The following ITSN1 variants were observed in gnomAD, a reference collection of about 807,000 sequenced individuals.
The protein encoded by ITSN1 is intersectin-1.
ITSN1 carries 58 observed loss-of-function variants against 239.8 expected under a neutral mutation model. That is an observed-to-expected ratio of 0.24 (90% confidence interval 0.20 to 0.30). ITSN1 has a LOEUF of 0.30. Among genes scored for constraint, ITSN1 ranks in the 10% least tolerant of loss-of-function variants. The pLI is 1.00. For synonymous variants in ITSN1, 780 were observed against 770.8 expected, an observed-to-expected ratio of 1.01 and a Z score of -0.20; for missense variants, 1,558 against 2,103.3, an observed-to-expected ratio of 0.74 and a Z score of 5.07.
chr21:33,784,756 T>G (rs1306295529), intron 16 of ITSN1, among the ~76,000 whole-genome samples: 1 of 152,228 alleles, frequency 6.6e-6, no homozygotes, highest in Non-Finnish European at 1.5e-5. Flanking sequence ...CACTTTTCTT[T>G]GTTGTAGCCA....
At chr21:33,829,036 G>T in intron 26 of ITSN1, 1 of 469,178 alleles carries the variant, frequency 2.1e-6, no homozygotes, top group Non-Finnish European at 4.4e-6. Flanking sequence ...GATATTCAGG[G>T]ATCACTCTCA....
intron 22 of ITSN1, among the ~76,000 whole-genome samples, chr21:33,816,159 C>T (rs2073254638): frequency 6.6e-6 from 1 of 151,612 alleles, no homozygotes; most frequent in Admixed American, 6.6e-5. Context: ...CACCACTGCA[C>T]TTCAGCCTGG....
chr21:33,833,029 T>C (rs1422144564), intron 27 of ITSN1, among the ~76,000 whole-genome samples: 1 of 152,030 alleles, frequency 6.6e-6, no homozygotes, highest in Non-Finnish European at 1.5e-5. Context: ...TGTGTACGCA[T>C]GTGTGTGTAT....
At position 33,892,737 on chromosome 21, in the gene ITSN1, G is replaced by A. The variant is rs1464219989; in HGVS notation, c.*4437G>A. On this transcript the variant is annotated 3_prime_UTR_variant, in exon 40 of 40. Transcript: ENST00000381318. ...TCAGTTCATTTTAGGGACGTTCAAT[G>A]CTTGATCAAATGGGGGGCATTTTCT... The A allele has an allele frequency of 6.6e-6, 1 of 152,234 alleles. No individual in the cohort carries two copies. The highest frequency in any genetic ancestry group is 1.5e-5 in the Non-Finnish European group (1 of 68,082). The allele number at this position is 152,234 out of a possible 1,614,324, so 9.4% of individuals were successfully genotyped here.
chr21:33,735,344 A>G, intron 5 of ITSN1, 140 bp downstream of exon 5: 3 of 843,414 alleles, frequency 3.6e-6, no homozygotes, highest in Non-Finnish European at 6.0e-6. Context: ...CCCCTGCAGG[A>G]AGATAGTGCT....
Position 33,874,122 on chromosome 21 carries a change from T to C in ITSN1, c.4174-1232T>C, listed in dbSNP as rs1176483587. 6.3e-5 allele frequency among the ~76,000 whole-genome samples: 9 copies of C among 143,848 alleles called. No individual in the cohort carries two copies. The South Asian group carries it at 1.3e-3, about 21-fold the overall frequency. The allele number at this position is 143,848 out of a possible 152,430, so 94.4% of individuals were successfully genotyped here. On this transcript the variant is annotated intron_variant, in intron 33 of 39. Coordinates refer to ENST00000381318, the MANE Select transcript of ITSN1 (RefSeq NM_003024.3). Reference sequence around the variant, plus strand: ...AGTGAGCCGAGATAGCGCCACTGCATTCCAGCCTGGGCAACAAGAGCAAAA... The same window carrying C: ...AGTGAGCCGAGATAGCGCCACTGCACTCCAGCCTGGGCAACAAGAGCAAAA...
At chr21:33,872,144 A>G (rs1431160101) in intron 33 of ITSN1, among the ~76,000 whole-genome samples, 1 of 152,246 alleles carries the variant, frequency 6.6e-6, no homozygotes, top group Non-Finnish European at 1.5e-5. Flanking sequence ...TGAAAAGATT[A>G]TAGGTCCCAG....
Position 33,875,541 on chromosome 21 carries a change from G to A in ITSN1, c.4341+20G>A, listed in dbSNP as rs2148531819. On this transcript the variant is annotated intron_variant, in intron 34 of 39. Transcript: ENST00000381318. ...TCTGAGGTAGCCAACCTTGGGGCTG[G>A]GCCCTGGTCTCCCCCGGCAGAGCCT... 6.2e-7 allele frequency: 1 copy of A among 1,608,164 alleles called. No individual in the cohort carries two copies. Among genetic ancestry groups the A allele is most frequent in the South Asian group, 1.1e-5 (1 of 90,706 alleles).
chr21:33,807,570 C>T (rs2072557014), intron 20 of ITSN1, among the ~76,000 whole-genome samples: 1 of 152,146 alleles, frequency 6.6e-6, no homozygotes, highest in Admixed American at 6.5e-5. Context: ...GTGTTCCATC[C>T]ACCTTGGCTT....
intron 16 of ITSN1, among the ~76,000 whole-genome samples, chr21:33,784,353 A>ACACACACC (rs2070463766): frequency 7.0e-6 from 1 of 143,678 alleles, no homozygotes; most frequent in African/African-American, 2.6e-5. Flanking sequence ...ACACACACAC[A>ACACACACC]CTAGTCAGGT....
rs190973597 is a variant in ITSN1, at chr21:33,655,212, C to A, written c.-33+12499C>A. Among the ~76,000 whole-genome samples the A allele has an allele frequency of 1.8e-4, 27 of 152,212 alleles. No individual in the cohort carries two copies. In the East Asian group the frequency reaches 2.9e-3, roughly 16 times the overall value. ...GGACCTGTTTTAAACCGGTGTAGATCTCTAGCTGAGGGAAAACAGGAAGGA... is the reference window on the plus strand; with the variant it reads ...GGACCTGTTTTAAACCGGTGTAGATATCTAGCTGAGGGAAAACAGGAAGGA... On this transcript the variant is annotated intron_variant, in intron 1 of 39. Transcript: ENST00000381318.
chr21:33,720,344 G>A (rs941098649), intron 2 of ITSN1, among the ~76,000 whole-genome samples: 5 of 152,210 alleles, frequency 3.3e-5, no homozygotes, highest in Admixed American at 1.3e-4. Flanking sequence ...TGAAACATAC[G>A]TATTGTGTAT....
rs1297707457 is a variant in ITSN1, at chr21:33,895,608, CGTGTGTGCGTATTTGT to C, written c.*7319_*7334del. ...ATGTTTGTGAGTGCATGTGTTTGTG[CGTGTGTGCGTATTTGT>C]GTGTGTGCGTGTGTGTGCGTGTGTA... On this transcript the variant is annotated 3_prime_UTR_variant, in exon 40 of 40. Transcript: ENST00000381318. 7.6e-6 allele frequency: 1 copy of C among 132,168 alleles called. No individual in the cohort carries two copies. The highest frequency in any genetic ancestry group is 7.6e-5 in the Admixed American group (1 of 13,154). The allele number at this position is 132,168 out of a possible 1,614,324, so 8.2% of individuals were successfully genotyped here. A position where few individuals can be genotyped will look rare whatever the true frequency, so the allele number is the denominator to read the frequency against.
At chr21:33,712,933 T>C (rs780401865) in intron 1 of ITSN1, among the ~76,000 whole-genome samples, 1 of 152,084 alleles carries the variant, frequency 6.6e-6, no homozygotes, top group Non-Finnish European at 1.5e-5. Context: ...GCTGGAGTGC[T>C]GTGGCAGGAT....
chr21:33,839,358 G>A (rs1426792750), intron 29 of ITSN1, among the ~76,000 whole-genome samples: 1 of 152,180 alleles, frequency 6.6e-6, no homozygotes, highest in African/African-American at 2.4e-5. Flanking sequence ...GCAGGGCAAG[G>A]ATCAGAGAAC....
At chr21:33,818,069 T>C in intron 22 of ITSN1, 198 bp from the exon 23 acceptor site, 1 of 596,550 alleles carries the variant, frequency 1.7e-6, no homozygotes, top group Admixed American at 3.0e-5. Flanking sequence ...TGGAAGGCTT[T>C]GGCCTCCACT....
intron 29 of ITSN1, among the ~76,000 whole-genome samples, chr21:33,844,018 A>AGGTT (rs2074910595): frequency 2.0e-5 from 3 of 152,188 alleles, no homozygotes; most frequent in Non-Finnish European, 4.4e-5. Context: ...CATTTTTAAG[A>AGGTT]CCTTTTAGAA....
chr21:33,817,052 C>A (rs75575060), intron 22 of ITSN1, among the ~76,000 whole-genome samples: 543 of 152,262 alleles, frequency 3.6e-3, no homozygotes, highest in African/African-American at 0.013. Flanking sequence ...TAAATGACTT[C>A]TAAAGGCATG....
At position 33,813,475 on chromosome 21, in the gene ITSN1, C is replaced by T. The variant is rs559472739; in HGVS notation, c.2568-438C>T. On this transcript the variant is annotated intron_variant, in intron 21 of 39. Transcript: ENST00000381318. ...TGAAGCATTTCTCCTTCCTCAGCCT[C>T]CTTAGTAGCTTGGATTACAGGGGTG... Among the ~76,000 whole-genome samples the T allele has an allele frequency of 3.9e-5, 6 of 152,184 alleles. No individual in the cohort carries two copies. In the South Asian group the frequency reaches 1.3e-3, roughly 32 times the overall value.
Sources: allele counts gnomAD v4.1 joint callset (sites outside exome capture counted in the v4.1 genomes callset), GRCh38; gene constraint gnomAD v4.1.1; transcripts MANE v1.5; gene names NCBI Gene and HGNC (gene_info 2026-07-23, HGNC 2026-07-21).